TUSC3: variants seen among roughly 807,000 people sequenced by gnomAD.
The protein encoded by TUSC3 is tumor suppressor candidate 3, also known as dolichyl-diphosphooligosaccharide--protein glycosyltransferase subunit TUSC3.
In TUSC3, 45 loss-of-function variants were observed where a neutral mutation model predicts 44.8. That is an observed-to-expected ratio of 1.00 (90% CI 0.79 to 1.29). The LOEUF (loss-of-function observed/expected upper bound fraction) is 1.29. TUSC3 is among the 50% of genes most tolerant of loss of function. The pLI, the probability that TUSC3 is intolerant of heterozygous loss-of-function variation, is 0.00. For missense variants in TUSC3, 519 were observed against 437.9 expected (o/e 1.19, Z -1.65); for synonymous variants, 212 against 152.9 (o/e 1.39, Z -2.85).
At chr8:15,805,176 G>T in the TUSC3 span, among the ~76,000 whole-genome samples, 1 of 152,124 alleles carries the variant, frequency 6.6e-6, no homozygotes, top group South Asian at 2.1e-4. Context: ...TTCGTACAAA[G>T]ATTTTGTATC....
chr8:15,494,997 A>G (rs1342477655), intron 2 of TUSC3, among the ~76,000 whole-genome samples: 1 of 152,224 alleles, frequency 6.6e-6, no homozygotes, highest in East Asian at 1.9e-4. Context: ...TATAAGGAAC[A>G]TGCAGTATTT....
chr8:15,544,874 T>C (rs1801812652), intron 1 of TUSC3, among the ~76,000 whole-genome samples: 1 of 151,796 alleles, frequency 6.6e-6, no homozygotes, highest in South Asian at 2.1e-4. Flanking sequence ...TGAAGCGTGA[T>C]TGGAAATAGC....
chr8:15,592,717 T>G (rs551362934), intron 1 of TUSC3, among the ~76,000 whole-genome samples: 2 of 152,298 alleles, frequency 1.3e-5, no homozygotes, highest in South Asian at 4.1e-4. Flanking sequence ...AATTATCAAA[T>G]TTTAGATATT....
At chr8:15,767,911 G>A (rs1812372965), downstream of TUSC3, among the ~76,000 whole-genome samples, 2 of 152,110 alleles carry the variant, frequency 1.3e-5, no homozygotes, top group Non-Finnish European at 2.9e-5. Flanking sequence ...TGGAGAATAA[G>A]GAATTGGAAA....
intron 7 of TUSC3, among the ~76,000 whole-genome samples, chr8:15,731,404 T>A (rs1751719338): frequency 6.6e-6 from 1 of 152,148 alleles, no homozygotes; most frequent in South Asian, 2.1e-4. Flanking sequence ...CTAGTATCCT[T>A]TATAAAATTT....
At chr8:15,628,283 A>G (rs1419258410) in intron 2 of TUSC3, among the ~76,000 whole-genome samples, 2 of 152,218 alleles carry the variant, frequency 1.3e-5, no homozygotes, top group African/African-American at 4.8e-5. Flanking sequence ...AATTATATGT[A>G]CTGTAATAAC....
At chr8:15,489,071 G>A (rs1800772470) in intron 2 of TUSC3, among the ~76,000 whole-genome samples, 1 of 152,076 alleles carries the variant, frequency 6.6e-6, no homozygotes, top group African/African-American at 2.4e-5. Context: ...CAAGACTGAG[G>A]GCAGAGTCTC....
intron 2 of TUSC3, among the ~76,000 whole-genome samples, chr8:15,529,508 C>T (rs57124739): frequency 0.049 from 7,458 of 151,962 alleles, 271 homozygotes; most frequent in African/African-American, 0.1. Flanking sequence ...TGAAATGTAT[C>T]GTAATATACA....
At chr8:15,615,450 CA>C (rs1336719063) in intron 1 of TUSC3, among the ~76,000 whole-genome samples, 1 of 152,020 alleles carries the variant, frequency 6.6e-6, no homozygotes, top group Admixed American at 6.6e-5. Context: ...AGTAGAATTA[CA>C]ATTATTAGAG....
rs34911405 is a variant in TUSC3, at chr8:15,606,917, T to TTGTG, written c.139-16147_139-16144dup. 2.4e-3 allele frequency among the ~76,000 whole-genome samples: 359 copies of TTGTG among 149,938 alleles called. 2 individuals carry two copies. The highest frequency in any genetic ancestry group is 8.1e-3 in the African/African-American group (332 of 41,002). ...TTCCAGTGGTATTTTTAATAAAACA[T>TTGTG]TGTGTGTGTGTGTGTGTGTATGTGT... On this transcript the variant is annotated intron_variant, in intron 1 of 10. Coordinates refer to ENST00000503731, the MANE Select transcript of TUSC3 (RefSeq NM_006765.4).
At chr8:15,469,641 C>A (rs1445646043) in intron 1 of TUSC3, among the ~76,000 whole-genome samples, 1 of 152,174 alleles carries the variant, frequency 6.6e-6, no homozygotes, top group Non-Finnish European at 1.5e-5. Context: ...AGTTATGCTC[C>A]TTGGTATTTA....
At chr8:15,570,265 TAC>T (rs3070896) in intron 1 of TUSC3, among the ~76,000 whole-genome samples, 47,023 of 147,914 alleles carry the variant, frequency 0.32, 7,842 homozygotes, top group Non-Finnish European at 0.38. Flanking sequence ...TAATGTATTT[TAC>T]ACACACACAC....
the TUSC3 span, among the ~76,000 whole-genome samples, chr8:15,823,879 G>C: frequency 2.0e-5 from 3 of 152,182 alleles, no homozygotes; most frequent in East Asian, 5.8e-4. Context: ...CTTCCGTAAA[G>C]CATTATTTAT....
chr8:15,803,296 A>G, the TUSC3 span, among the ~76,000 whole-genome samples: 1 of 152,168 alleles, frequency 6.6e-6, no homozygotes, highest in Non-Finnish European at 1.5e-5. Flanking sequence ...ATTGCATTGA[A>G]ATGCACACAT....
At chr8:15,798,649 T>TGGG in the TUSC3 span, among the ~76,000 whole-genome samples, 66 of 147,258 alleles carry the variant, frequency 4.5e-4, no homozygotes, top group African/African-American at 1.7e-3. Flanking sequence ...CCTGGGTGTG[T>TGGG]GGGGGGGGTC....
At chr8:15,823,730 T>G in the TUSC3 span, among the ~76,000 whole-genome samples, 1 of 152,156 alleles carries the variant, frequency 6.6e-6, no homozygotes, top group Non-Finnish European at 1.5e-5. Context: ...CAATTGGAAC[T>G]AAAATATCAG....
At chr8:15,600,608 G>A (rs929061858) in intron 1 of TUSC3, among the ~76,000 whole-genome samples, 1 of 151,388 alleles carries the variant, frequency 6.6e-6, no homozygotes, top group Non-Finnish European at 1.5e-5. Context: ...ATGGGAGATA[G>A]GGGAGAGGGA....
At chr8:15,483,649 A>AT (rs60092911) in intron 2 of TUSC3, among the ~76,000 whole-genome samples, 18,251 of 65,808 alleles carry the variant, frequency 0.28, 4,023 homozygotes, top group Non-Finnish European at 0.39. Flanking sequence ...TAGCACTGTG[A>AT]TTTTTTTTTT....
intron 6 of TUSC3, among the ~76,000 whole-genome samples, chr8:15,695,388 T>C (rs968745242): frequency 6.6e-6 from 1 of 152,356 alleles, no homozygotes; most frequent in East Asian, 1.9e-4. Flanking sequence ...AAAACATGAC[T>C]TGTTCCTCCT....
Sources: allele counts gnomAD v4.1 joint callset (sites outside exome capture counted in the v4.1 genomes callset), GRCh38; gene constraint gnomAD v4.1.1; transcripts MANE v1.5; gene names NCBI Gene and HGNC (gene_info 2026-07-23, HGNC 2026-07-21).